ZNF385D: variants seen among roughly 807,000 people sequenced by gnomAD.
The protein encoded by ZNF385D is zinc finger protein 659.
ZNF385D carries 15 observed loss-of-function variants against 35.8 expected under a neutral mutation model. The observed-to-expected ratio is 0.42, with a 90% CI of 0.28 to 0.64. The LOEUF is 0.64. Among genes scored for constraint, ZNF385D ranks in the 30% least tolerant of loss-of-function variants. The probability of loss-of-function intolerance (pLI) is 0.23; values close to 1 mark genes in which losing one functional copy is unlikely to be tolerated. For synonymous variants in ZNF385D, 212 were observed against 186.8 expected, an observed-to-expected ratio of 1.13 and a Z score of -1.10; for missense variants, 474 against 494.6, an observed-to-expected ratio of 0.96 and a Z score of 0.39.
At chr3:21,591,735 T>C (rs1002784526) in intron 2 of ZNF385D, among the ~76,000 whole-genome samples, 4 of 152,118 alleles carry the variant, frequency 2.6e-5, no homozygotes, top group Non-Finnish European at 4.4e-5. Flanking sequence ...CACAAGCTTC[T>C]TTGAGTTACA....
At chr3:22,187,920 T>A (rs1368608961) in intron 2 of ZNF385D, among the ~76,000 whole-genome samples, 3 of 152,126 alleles carry the variant, frequency 2.0e-5, no homozygotes, top group Admixed American at 1.3e-4. Flanking sequence ...CACAAGAATG[T>A]CCACACTCTA....
intron 3 of ZNF385D, among the ~76,000 whole-genome samples, chr3:21,988,074 AT>A (rs1320398339): frequency 7.4e-6 from 1 of 135,436 alleles, no homozygotes; most frequent in Non-Finnish European, 1.6e-5. Context: ...ATTCTTCTAA[AT>A]TTTTTTCAAA....
At chr3:21,593,235 G>A (rs897278138) in intron 2 of ZNF385D, among the ~76,000 whole-genome samples, 4 of 152,098 alleles carry the variant, frequency 2.6e-5, no homozygotes, top group Non-Finnish European at 2.9e-5. Context: ...GAAGGACCTT[G>A]GATGTGATGG....
intron 2 of ZNF385D, among the ~76,000 whole-genome samples, chr3:22,209,990 G>C (rs1484734349): frequency 6.6e-6 from 1 of 151,614 alleles, no homozygotes; most frequent in Non-Finnish European, 1.5e-5. Context: ...ATTATATTCA[G>C]TTATATTTAA....
chr3:21,445,340 C>G (rs1433146929), intron 4 of ZNF385D, among the ~76,000 whole-genome samples: 1 of 152,182 alleles, frequency 6.6e-6, no homozygotes, highest in African/African-American at 2.4e-5. Flanking sequence ...CCAGTGGTTA[C>G]AAGACTGATC....
intron 3 of ZNF385D, among the ~76,000 whole-genome samples, chr3:22,103,877 T>A (rs1702069299): frequency 6.6e-6 from 1 of 151,956 alleles, no homozygotes; most frequent in Admixed American, 6.6e-5. Context: ...AATACTAATA[T>A]CCATCCTATT....
At chr3:21,743,798 T>C (rs917112345) in intron 1 of ZNF385D, among the ~76,000 whole-genome samples, 2 of 152,228 alleles carry the variant, frequency 1.3e-5, no homozygotes, top group Non-Finnish European at 2.9e-5. Flanking sequence ...CACCGATGCA[T>C]GCCTTCTAAG....
At chr3:22,069,832 G>A (rs184224419) in intron 3 of ZNF385D, among the ~76,000 whole-genome samples, 6 of 152,178 alleles carry the variant, frequency 3.9e-5, no homozygotes, top group East Asian at 3.9e-4. Context: ...AGCCAGCCAC[G>A]TAGGAAAACC....
At chr3:21,593,390 C>T (rs1223286588) in intron 2 of ZNF385D, among the ~76,000 whole-genome samples, 1 of 152,120 alleles carries the variant, frequency 6.6e-6, no homozygotes, top group African/African-American at 2.4e-5. Flanking sequence ...CCAGATCCAA[C>T]TCAGGGCCAA....
At chr3:22,209,135 T>C (rs1431031186) in intron 2 of ZNF385D, among the ~76,000 whole-genome samples, 1 of 151,892 alleles carries the variant, frequency 6.6e-6, no homozygotes, top group Non-Finnish European at 1.5e-5. Flanking sequence ...TAATATTTAC[T>C]CAAGGCACAC....
At chr3:22,223,307 G>T (rs985631468) in intron 2 of ZNF385D, among the ~76,000 whole-genome samples, 6 of 152,102 alleles carry the variant, frequency 3.9e-5, no homozygotes, top group Admixed American at 3.3e-4. Flanking sequence ...GTTGTTTGTT[G>T]TATAAGTTGT....
At chr3:21,862,875 G>C (rs1380181845) in intron 3 of ZNF385D, among the ~76,000 whole-genome samples, 2 of 152,130 alleles carry the variant, frequency 1.3e-5, no homozygotes, top group Non-Finnish European at 2.9e-5. Flanking sequence ...AGTTACAAGT[G>C]GTCTCAGCTG....
intron 3 of ZNF385D, among the ~76,000 whole-genome samples, chr3:22,043,166 A>G (rs1350046887): frequency 6.6e-6 from 1 of 152,176 alleles, no homozygotes; most frequent in Non-Finnish European, 1.5e-5. Context: ...TTTATCCCTA[A>G]TGTTAAGAAA....
chr3:21,471,348 C>T (rs1703890608), intron 4 of ZNF385D, among the ~76,000 whole-genome samples: 1 of 139,406 alleles, frequency 7.2e-6, no homozygotes, highest in Non-Finnish European at 1.5e-5. Flanking sequence ...TTGGTGATGG[C>T]TGTTTTTTAC....
intron 5 of ZNF385D, among the ~76,000 whole-genome samples, chr3:21,434,252 T>G (rs1218072785): frequency 6.6e-6 from 1 of 152,100 alleles, no homozygotes; most frequent in African/African-American, 2.4e-5. Flanking sequence ...TTCCTTTCCC[T>G]CTTTCTGTTA....
At chr3:21,980,636 G>A (rs960157466) in intron 3 of ZNF385D, among the ~76,000 whole-genome samples, 1 of 152,034 alleles carries the variant, frequency 6.6e-6, no homozygotes, top group Non-Finnish European at 1.5e-5. Context: ...TGTCCCAGGG[G>A]TTTGTTGTAC....
intron 4 of ZNF385D, chr3:21,443,173 C>T: frequency 1.0e-6 from 1 of 985,304 alleles, no homozygotes; most frequent in South Asian, 4.7e-5. Flanking sequence ...TTGCAGGGTA[C>T]CTGATTTGGG....
intron 3 of ZNF385D, among the ~76,000 whole-genome samples, chr3:21,523,061 G>A (rs986660995): frequency 6.6e-6 from 1 of 152,202 alleles, no homozygotes; most frequent in Non-Finnish European, 1.5e-5. Context: ...CACAGTGGTT[G>A]TTTGTGTGAG....
At chr3:21,651,935 A>C (rs1387633913) in intron 2 of ZNF385D, among the ~76,000 whole-genome samples, 1 of 152,206 alleles carries the variant, frequency 6.6e-6, no homozygotes, top group East Asian at 1.9e-4. Flanking sequence ...TAGGAGGGTA[A>C]TGTTAATTTG....
Sources: allele counts gnomAD v4.1 joint callset (sites outside exome capture counted in the v4.1 genomes callset), GRCh38; gene constraint gnomAD v4.1.1; transcripts MANE v1.5; gene names NCBI Gene and HGNC (gene_info 2026-07-23, HGNC 2026-07-21).